The following DGKH variants were observed in gnomAD, a reference collection of about 807,000 sequenced individuals.
DGKH encodes DAG kinase eta.
DGKH carries 90 observed loss-of-function variants against 159.3 expected under a neutral mutation model. The observed-to-expected ratio is 0.57, with a 90% CI of 0.48 to 0.67. DGKH has a LOEUF of 0.67. DGKH is among the 30% of genes least tolerant of loss of function. DGKH has a pLI of 0.00. For missense variants in DGKH, 1,181 were observed against 1,506.1 expected (o/e 0.78, Z 3.57); for synonymous variants, 536 against 553.8 (o/e 0.97, Z 0.45).
intron 1 of DGKH, among the ~76,000 whole-genome samples, chr13:42,056,083 A>C (rs1593958810): frequency 6.6e-6 from 1 of 152,244 alleles, no homozygotes; most frequent in African/African-American, 2.4e-5. Context: ...ACAGAGCAAG[A>C]CCTTGCCTCT....
chr13:42,120,239 T>C (rs1955043321), intron 1 of DGKH, among the ~76,000 whole-genome samples: 1 of 152,234 alleles, frequency 6.6e-6, no homozygotes, highest in African/African-American at 2.4e-5. Flanking sequence ...ACTGAAAACA[T>C]GGAATGAAAA....
upstream of DGKH, among the ~76,000 whole-genome samples, chr13:42,046,460 T>G (rs1026097496): frequency 2.0e-5 from 3 of 152,232 alleles, no homozygotes; most frequent in Non-Finnish European, 4.4e-5. Context: ...TCGTTGAAAC[T>G]GGCTCTTCAG....
intron 3 of DGKH, among the ~76,000 whole-genome samples, chr13:42,148,040 G>T (rs145335349): frequency 6.6e-6 from 1 of 152,162 alleles, no homozygotes; most frequent in African/African-American, 2.4e-5. Flanking sequence ...TGAGCAGCAC[G>T]TGCAGTCTTT....
At chr13:42,249,098 G>A (rs973952151) in intron 29 of DGKH, among the ~76,000 whole-genome samples, 6 of 152,000 alleles carry the variant, frequency 3.9e-5, no homozygotes, top group Admixed American at 3.3e-4. Flanking sequence ...ATTGTGGCGG[G>A]CACAGTGGCT....
chr13:42,225,316 C>A, intron 29 of DGKH: 3 of 1,582,710 alleles, frequency 1.9e-6, no homozygotes, highest in Non-Finnish European at 1.7e-6. Flanking sequence ...AAAGAGACAC[C>A]AAAGAAAATG....
intron 1 of DGKH, among the ~76,000 whole-genome samples, chr13:42,112,837 G>A (rs185047761): frequency 2.4e-4 from 36 of 152,300 alleles, no homozygotes; most frequent in African/African-American, 8.4e-4. Flanking sequence ...GAGACAGTGC[G>A]GGGATGGACA....
intron 12 of DGKH, among the ~76,000 whole-genome samples, chr13:42,177,392 C>T (rs543212384): frequency 6.6e-6 from 1 of 152,280 alleles, no homozygotes; most frequent in African/African-American, 2.4e-5. Context: ...TATGGTCTTC[C>T]ATTGCACAAA....
upstream of DGKH, among the ~76,000 whole-genome samples, chr13:42,047,143 C>T (rs1056166123): frequency 6.6e-6 from 1 of 152,156 alleles, no homozygotes; most frequent in Admixed American, 6.6e-5. Context: ...GAAATAGCCT[C>T]TCTGTTATTA....
chr13:42,087,947 C>T (rs893323907), intron 1 of DGKH, among the ~76,000 whole-genome samples: 1 of 151,912 alleles, frequency 6.6e-6, no homozygotes, highest in South Asian at 2.1e-4. Context: ...GAATCATGAA[C>T]AAAACAACCT....
chr13:42,182,578 GT>G (rs1287888640), intron 13 of DGKH, among the ~76,000 whole-genome samples: 5 of 152,104 alleles, frequency 3.3e-5, no homozygotes, highest in African/African-American at 9.7e-5. Context: ...TATGTAAATA[GT>G]TGTTATACTG....
intron 1 of DGKH, among the ~76,000 whole-genome samples, chr13:42,079,441 T>A (rs1954160095): frequency 6.6e-6 from 1 of 152,236 alleles, no homozygotes; most frequent in African/African-American, 2.4e-5. Context: ...CAATTTCTCA[T>A]CATCCATTCC....
chr13:42,219,652 CT>C lies in DGKH; in HGVS notation c.3334-33del, dbSNP rs779955324. Reference sequence around the variant, plus strand: ...AGTAGGTTTTTCTCCTTTTCATATCCTGAAAAAATTATTTTCTTGCTCGATT... The same window carrying C: ...AGTAGGTTTTTCTCCTTTTCATATCCGAAAAAATTATTTTCTTGCTCGATT... On this transcript the variant is annotated intron_variant, in intron 27 of 29. Transcript: ENST00000337343. 1.9e-6 allele frequency: 3 copies of C among 1,576,858 alleles called. No individual in the cohort carries two copies. In the African/African-American group the frequency reaches 4.1e-5, roughly 22 times the overall value.
intron 1 of DGKH, among the ~76,000 whole-genome samples, chr13:42,042,675 C>T (rs891688148): frequency 6.6e-6 from 1 of 152,168 alleles, no homozygotes; most frequent in African/African-American, 2.4e-5. Context: ...GATCCTTGAC[C>T]TCAGAAAGCT....
At chr13:42,198,858 A>C (rs962123366) in intron 18 of DGKH, among the ~76,000 whole-genome samples, 6 of 152,118 alleles carry the variant, frequency 3.9e-5, no homozygotes, top group Non-Finnish European at 5.9e-5. Context: ...GGCACCAATA[A>C]ATAGAACTGA....
chr13:42,071,191 A>T, intron 1 of DGKH: 4 of 490,508 alleles, frequency 8.2e-6, no homozygotes, highest in South Asian at 5.6e-5. Context: ...TCAAAAAGGG[A>T]TAAGAAAAAT....
chr13:42,087,797 A>G (rs756590164), intron 1 of DGKH, among the ~76,000 whole-genome samples: 5 of 149,508 alleles, frequency 3.3e-5, no homozygotes, highest in Non-Finnish European at 5.9e-5. Flanking sequence ...TGCTTCTTAC[A>G]TAAGCGTATT....
intron 1 of DGKH, among the ~76,000 whole-genome samples, chr13:42,074,201 T>C (rs965737689): frequency 2.6e-5 from 4 of 152,244 alleles, no homozygotes; most frequent in Admixed American, 2.6e-4. Flanking sequence ...TTGCTGTGTT[T>C]TGGACATAGA....
At chr13:42,147,108 G>A (rs547698032) in intron 3 of DGKH, among the ~76,000 whole-genome samples, 14 of 152,248 alleles carry the variant, frequency 9.2e-5, no homozygotes, top group Admixed American at 2.0e-4. Context: ...CTGTGTGGCC[G>A]AAGGGAGGGG....
Position 42,056,249 on chromosome 13 carries a change from G to A in DGKH, c.192+7284G>A, listed in dbSNP as rs371207698. Among the ~76,000 whole-genome samples the A allele has an allele frequency of 2.6e-5, 4 of 151,622 alleles. No individual in the cohort carries two copies. The East Asian group carries it at 5.8e-4, about 22-fold the overall frequency. On this transcript the variant is annotated intron_variant, in intron 1 of 29. Coordinates refer to ENST00000337343, the MANE Select transcript of DGKH (RefSeq NM_178009.5). Reference sequence around the variant, plus strand: ...TTTTTTTTTCAAATGATCATATATGGTAATAATTCTCTCCCTCCTGCTTTT... The same window carrying A: ...TTTTTTTTTCAAATGATCATATATGATAATAATTCTCTCCCTCCTGCTTTT...
Sources: allele counts gnomAD v4.1 joint callset (sites outside exome capture counted in the v4.1 genomes callset), GRCh38; gene constraint gnomAD v4.1.1; transcripts MANE v1.5; gene names NCBI Gene and HGNC (gene_info 2026-07-23, HGNC 2026-07-21).